WDR82: variants seen among roughly 807,000 people sequenced by gnomAD.
WDR82 encodes WD repeat domain 82, also known as WD repeat-containing protein 82.
A neutral mutation model predicts 36.1 loss-of-function variants in WDR82; 8 were observed. The ratio of observed to expected loss-of-function variants is 0.22; its 90% CI spans 0.13 to 0.40. The LOEUF is 0.40. Among genes scored for constraint, WDR82 ranks in the 10% least tolerant of loss-of-function variants. The pLI is 1.00. For missense variants in WDR82, 185 were observed against 400.5 expected (o/e 0.46, Z 4.59); for synonymous variants, 129 against 137.8 (o/e 0.94, Z 0.45).
At position 52,270,734 on chromosome 3, in the gene WDR82, A is replaced by C. The variant is rs1489406610; in HGVS notation, c.237T>G (p.Val79=). 1 of 1,613,050 alleles carries C rather than the reference A, an allele frequency of 6.2e-7. No homozygotes were observed. Among genetic ancestry groups the C allele is most frequent in the Admixed American group, 1.7e-5 (1 of 59,730 alleles). The change falls in exon 2 of 9, where the codon GTT becomes GTG. Residue 79 remains valine (V), a synonymous_variant. Coordinates refer to ENST00000296490, the MANE Select transcript of WDR82 (RefSeq NM_025222.4). ...IRYTHAANTV[V]YSSNKIDDTI... is the part of the protein sequence containing the mutation. The stretch of plus-strand genomic sequence containing the variant: ...TACCGTCTATTTTGTTAGAGCTGTA[A>C]ACAACTGTGTTTGCTGCATGAGTGT...
At chr3:52,272,310 G>A (rs889657230) in intron 1 of WDR82, among the ~76,000 whole-genome samples, 12 of 152,140 alleles carry the variant, frequency 7.9e-5, no homozygotes, top group Non-Finnish European at 1.8e-4. Context: ...TTGGGAGGCC[G>A]AGGAGGGTGG....
chr3:52,262,360 C>G (rs1259419949), intron 3 of WDR82, among the ~76,000 whole-genome samples: 1 of 152,152 alleles, frequency 6.6e-6, no homozygotes, highest in South Asian at 2.1e-4. Context: ...AACCACTGAA[C>G]TGTACATTTT....
intron 2 of WDR82, chr3:52,268,361 T>C (rs1338687435): frequency 4.2e-6 from 2 of 471,962 alleles, no homozygotes; most frequent in South Asian, 1.5e-5. Context: ...TACCTCAGCC[T>C]GGAATCAGGC....
intron 1 of WDR82, among the ~76,000 whole-genome samples, chr3:52,271,650 C>A (rs944176938): frequency 2.6e-5 from 4 of 152,048 alleles, no homozygotes; most frequent in African/African-American, 9.7e-5. Flanking sequence ...AAACTGCTTG[C>A]CTTTGCTAAT....
chr3:52,275,895 A>G (rs978571306), intron 1 of WDR82, among the ~76,000 whole-genome samples: 3 of 152,126 alleles, frequency 2.0e-5, no homozygotes, highest in Non-Finnish European at 4.4e-5. Flanking sequence ...AAAAAGAAAG[A>G]AAATCCATGT....
rs748560013 is a variant in WDR82, at chr3:52,278,262, C to G, written c.100G>C (p.Glu34Gln). ...TCGTCGCTACTCGAGATGACCGTCT[C>G]GCCGTTGGGGCTGAAATCGAAGCAG... ...INCFDFSPNGETVISSSDDDS... is the reference protein window; with the variant it reads ...INCFDFSPNGQTVISSSDDDS... Residue 34 changes from glutamate (E) to glutamine (Q), a missense_variant, in exon 1 of 9, where the codon GAG (glutamate) becomes CAG (glutamine). By Grantham distance (29) the Glu-to-Gln change is conservative. Transcript: ENST00000296490. The G allele has an allele frequency of 6.2e-7, 1 of 1,611,266 alleles. No homozygotes were observed. The highest frequency in any genetic ancestry group is 8.5e-7 in the Non-Finnish European group (1 of 1,178,910).
chr3:52,259,049 TAA>T (rs1473575720), intron 7 of WDR82, 146 bp downstream of exon 7: 8 of 962,740 alleles, frequency 8.3e-6, no homozygotes, highest in Non-Finnish European at 1.2e-5. Context: ...TCAGGGCAGT[TAA>T]AAGACACTAT....
intron 4 of WDR82, 75 bp downstream of exon 4, chr3:52,261,305 T>G (rs1700059412): frequency 7.8e-7 from 1 of 1,286,912 alleles, no homozygotes; most frequent in South Asian, 1.4e-5. Flanking sequence ...TTTTCTCCCT[T>G]CTTTGAGAGG....
rs1700228672 is a variant in WDR82, at chr3:52,278,485, G to A, written c.-124C>T. 8.1e-6 allele frequency: 7 copies of A among 868,356 alleles called. No homozygotes were observed. The highest frequency in any genetic ancestry group is 9.1e-6 in the Non-Finnish European group (6 of 662,930). 53.8% of individuals were successfully genotyped at this position (868,356 alleles called of 1,614,324 possible). A position where few individuals can be genotyped will look rare whatever the true frequency, so the allele number is the denominator to read the frequency against. ...CGCGCCGGCGGCTAGCGGGAAGTCG[G>A]CCAACAGTTGGGCCGCCTCCTCCTC... On this transcript the variant is annotated 5_prime_UTR_variant, in exon 1 of 9. Coordinates refer to ENST00000296490, the MANE Select transcript of WDR82 (RefSeq NM_025222.4).
At chr3:52,263,725 A>C (rs1331416402) in intron 3 of WDR82, among the ~76,000 whole-genome samples, 1 of 152,260 alleles carries the variant, frequency 6.6e-6, no homozygotes, top group Non-Finnish European at 1.5e-5. Context: ...GCTTTGAGCC[A>C]GAATTGGAAG....
In WDR82 at chr3:52,266,412, G is replaced by C. The variant is rs578083051; in HGVS notation, c.326+540C>G. 7.9e-5 allele frequency among the ~76,000 whole-genome samples: 12 copies of C among 151,934 alleles called. No homozygotes were observed. In the South Asian group the frequency reaches 2.5e-3, roughly 32 times the overall value. ...AAATATATATATCTAACTAGAAATA[G>C]ATATACCTATAACTAGAAAAAATAT... is the stretch of plus-strand genomic sequence containing the variant. On this transcript the variant is annotated intron_variant, in intron 3 of 8. Transcript: ENST00000296490.
rs1700021022 is a variant in WDR82, at chr3:52,257,606, G to A, written c.913-87C>T. 4.5e-6 allele frequency: 7 copies of A among 1,558,302 alleles called. No individual in the cohort carries two copies. In the South Asian group the frequency reaches 7.9e-5, roughly 18 times the overall value. On this transcript the variant is annotated intron_variant, in intron 8 of 8. Coordinates refer to ENST00000296490, the MANE Select transcript of WDR82 (RefSeq NM_025222.4). ...TCACATCCCACCCCACAGCAAAAAT[G>A]TGCCCAACCCCAGTGGCTCTGGTAG...
intron 2 of WDR82, among the ~76,000 whole-genome samples, chr3:52,268,781 A>G (rs1299786158): frequency 6.6e-6 from 1 of 152,062 alleles, no homozygotes; most frequent in Non-Finnish European, 1.5e-5. Flanking sequence ...AGATAGGCAC[A>G]GCCAAAATAG....
intron 3 of WDR82, among the ~76,000 whole-genome samples, chr3:52,264,362 T>C (rs1185167933): frequency 6.6e-6 from 1 of 151,958 alleles, no homozygotes; most frequent in Non-Finnish European, 1.5e-5. Flanking sequence ...AGAACCGACA[T>C]GGGAAAAGTC....
intron 8 of WDR82, 79 bp downstream of exon 8, chr3:52,258,457 T>C: frequency 2.0e-6 from 3 of 1,529,300 alleles, no homozygotes; most frequent in Admixed American, 1.7e-5. Flanking sequence ...AGAACACAGC[T>C]TGCTGTGCTT....
chr3:52,261,482 G>A lies in WDR82; in HGVS notation c.327-3C>T, dbSNP rs376280165. ...GTGACATGGACAAGGCCACCACCCTGCAATACATCGAGATAAATAGGAGTT... is the reference window on the plus strand; with the variant it reads ...GTGACATGGACAAGGCCACCACCCTACAATACATCGAGATAAATAGGAGTT... On this transcript the variant is annotated splice_region_variant and splice_polypyrimidine_tract_variant and intron_variant, in intron 3 of 8. Coordinates refer to ENST00000296490, the MANE Select transcript of WDR82 (RefSeq NM_025222.4). The A allele has an allele frequency of 1.3e-4, 215 of 1,603,264 alleles. No homozygotes were observed. In the Middle Eastern group the frequency reaches 2.5e-3, roughly 19 times the overall value.
intron 1 of WDR82, among the ~76,000 whole-genome samples, chr3:52,271,839 A>C (rs1700157078): frequency 6.6e-6 from 1 of 152,244 alleles, no homozygotes; most frequent in African/African-American, 2.4e-5. Flanking sequence ...CACATCAGTC[A>C]TCACAGCACT....
chr3:52,257,544 T>C (rs1358571754), intron 8 of WDR82, 25 bp from the exon 9 acceptor site: 5 of 1,613,932 alleles, frequency 3.1e-6, no homozygotes, highest in Non-Finnish European at 4.2e-6. Context: ...TAAATCAACT[T>C]TAAAAAGCCA....
At chr3:52,277,782 G>C (rs758082751) in intron 1 of WDR82, among the ~76,000 whole-genome samples, 38 of 152,218 alleles carry the variant, frequency 2.5e-4, no homozygotes, top group Non-Finnish European at 4.6e-4. Flanking sequence ...ACAAGAGAGA[G>C]CTGACGCTGC....
Sources: gnomAD v4.1 joint callset for allele counts (sites outside exome capture counted in the v4.1 genomes callset) on GRCh38, gnomAD v4.1.1 for gene constraint, MANE v1.5 for transcripts, NCBI Gene and HGNC (gene_info 2026-07-23, HGNC 2026-07-21) for gene names.